Variants in APBB2 observed in about 807,000 individuals in gnomAD.
APBB2 encodes the protein Fe65-like 1.
Under a neutral mutation model 82.5 loss-of-function variants are expected in APBB2, and 38 were observed. The ratio of observed to expected loss-of-function variants is 0.46; its 90% CI spans 0.36 to 0.60. APBB2 has a LOEUF of 0.60. APBB2 is among the 20% of genes least tolerant of loss of function. The probability of loss-of-function intolerance (pLI) is 0.00; values close to 1 mark genes in which losing one functional copy is unlikely to be tolerated. For synonymous variants in APBB2, 341 were observed against 368.2 expected (o/e 0.93, Z 0.85); for missense variants, 772 against 972.3 (o/e 0.79, Z 2.74).
At chr4:41,153,857 AGTTTT>A (rs1006225244) in intron 1 of APBB2, among the ~76,000 whole-genome samples, 5 of 152,170 alleles carry the variant, frequency 3.3e-5, no homozygotes, top group African/African-American at 4.8e-5. Context: ...TTGGTTTTGT[AGTTTT>A]GTTTGAATTT....
intron 3 of APBB2, among the ~76,000 whole-genome samples, chr4:41,087,979 A>G (rs1008372163): frequency 2.6e-5 from 4 of 152,250 alleles, no homozygotes; most frequent in Non-Finnish European, 5.9e-5. Context: ...GTCGGTGTTA[A>G]GAATGGTAAC....
intron 12 of APBB2, among the ~76,000 whole-genome samples, chr4:40,877,150 C>T (rs1289060909): frequency 1.3e-5 from 2 of 152,164 alleles, no homozygotes; most frequent in Non-Finnish European, 2.9e-5. Context: ...ATGCAGAACA[C>T]GGGAGAATAA....
chr4:40,984,283 G>A (rs1799839838), intron 6 of APBB2, among the ~76,000 whole-genome samples: 1 of 152,166 alleles, frequency 6.6e-6, no homozygotes, highest in Non-Finnish European at 1.5e-5. Flanking sequence ...ACATTTGTGT[G>A]TCTTACAAAA....
chr4:41,177,214 T>C (rs1447486051), intron 1 of APBB2, among the ~76,000 whole-genome samples: 3 of 152,126 alleles, frequency 2.0e-5, no homozygotes, highest in Non-Finnish European at 2.9e-5. Flanking sequence ...AGAACTAAAA[T>C]GCACAGATGA....
chr4:40,959,243 G>T (rs2154389686), intron 6 of APBB2, among the ~76,000 whole-genome samples: 1 of 152,342 alleles, frequency 6.6e-6, no homozygotes, highest in African/African-American at 2.4e-5. Context: ...AGAGTGAGCA[G>T]CAGGAGAAGA....
At chr4:41,056,180 C>CA (rs946867247) in intron 4 of APBB2, among the ~76,000 whole-genome samples, 26 of 151,436 alleles carry the variant, frequency 1.7e-4, no homozygotes, top group African/African-American at 6.1e-4. Flanking sequence ...AACTCCATCT[C>CA]AAAAAAATAA....
intron 1 of APBB2, among the ~76,000 whole-genome samples, chr4:41,197,387 A>G: frequency 6.6e-6 from 1 of 152,206 alleles, no homozygotes; most frequent in Non-Finnish European, 1.5e-5. Flanking sequence ...AAGAATAATA[A>G]CACTAATAAA....
At chr4:41,005,025 T>C (rs1033631248) in intron 6 of APBB2, among the ~76,000 whole-genome samples, 8 of 152,130 alleles carry the variant, frequency 5.3e-5, no homozygotes, top group African/African-American at 1.4e-4. Flanking sequence ...CAATTCCCCA[T>C]GGATGTAGAG....
At chr4:40,947,772 A>T (rs1321543904) in intron 6 of APBB2, among the ~76,000 whole-genome samples, 3 of 152,206 alleles carry the variant, frequency 2.0e-5, no homozygotes, top group South Asian at 4.1e-4. Flanking sequence ...AAGCCTTGTG[A>T]GGGTAGGCAG....
chr4:40,985,666 T>C (rs1437431911), intron 6 of APBB2, among the ~76,000 whole-genome samples: 2 of 152,222 alleles, frequency 1.3e-5, no homozygotes, highest in African/African-American at 4.8e-5. Context: ...CAGTCATTAG[T>C]AAAGGCAGAT....
intron 10 of APBB2, among the ~76,000 whole-genome samples, chr4:40,908,435 G>A (rs562770994): frequency 3.5e-4 from 53 of 152,240 alleles, no homozygotes; most frequent in African/African-American, 1.2e-3. Context: ...CTGTCACCGC[G>A]CCTTGCTGCC....
At chr4:40,937,345 T>C (rs1578576374) in intron 7 of APBB2, among the ~76,000 whole-genome samples, 1 of 152,228 alleles carries the variant, frequency 6.6e-6, no homozygotes, top group East Asian at 1.9e-4. Context: ...AGAAAAGTCT[T>C]CAGTACCTAA....
intron 12 of APBB2, among the ~76,000 whole-genome samples, chr4:40,834,296 G>C (rs769857536): frequency 6.6e-6 from 1 of 152,108 alleles, no homozygotes; most frequent in Non-Finnish European, 1.5e-5. Flanking sequence ...AGAGATTTGT[G>C]CATTTCCCAT....
chr4:40,923,447 C>T (rs945002764), intron 10 of APBB2, among the ~76,000 whole-genome samples: 15 of 152,352 alleles, frequency 9.8e-5, no homozygotes, highest in South Asian at 2.1e-4. Context: ...CCCCAGGTCT[C>T]GACCAGCTGG....
intron 7 of APBB2, among the ~76,000 whole-genome samples, chr4:40,939,080 G>C (rs12640528): frequency 0.24 from 36,799 of 152,102 alleles, 4,614 homozygotes; most frequent in Admixed American, 0.29. Flanking sequence ...TCCCCACCAG[G>C]AAGAAGGCCC....
At chr4:41,093,439 G>A (rs182661120) in intron 3 of APBB2, among the ~76,000 whole-genome samples, 20 of 152,320 alleles carry the variant, frequency 1.3e-4, no homozygotes, top group Admixed American at 1.3e-3. Flanking sequence ...TGGCTTCCAA[G>A]TGGATAAGGA....
intron 5 of APBB2, among the ~76,000 whole-genome samples, chr4:41,019,113 G>A (rs994511092): frequency 6.6e-6 from 1 of 152,192 alleles, no homozygotes; most frequent in Non-Finnish European, 1.5e-5. Context: ...ATGCAGAGGT[G>A]GGCAGAGAGT....
intron 6 of APBB2, among the ~76,000 whole-genome samples, chr4:40,968,108 CT>C (rs1795099410): frequency 6.6e-6 from 1 of 152,226 alleles, no homozygotes; most frequent in African/African-American, 2.4e-5. Context: ...GTTCTAAGCA[CT>C]TACTGTGTAT....
rs1215370585 is a variant in APBB2 at position 40,860,088 on chromosome 4, A to G, written c.1530-29511T>C. ...TTATTATTCATCTCCTTCACTTTAC[A>G]GTGAGCTTTATAAACTTACAGAGTC... On this transcript the variant is annotated intron_variant, in intron 12 of 17. Coordinates refer to ENST00000508593, the MANE Select transcript of APBB2 (RefSeq NM_004307.2). Among the ~76,000 whole-genome samples the G allele has an allele frequency of 6.6e-5, 10 of 152,314 alleles. No individual in the cohort carries two copies. In the East Asian group the frequency reaches 1.7e-3, roughly 26 times the overall value.
Sources: gnomAD v4.1 joint callset for allele counts (sites outside exome capture counted in the v4.1 genomes callset) on GRCh38, gnomAD v4.1.1 for gene constraint, MANE v1.5 for transcripts, NCBI Gene and HGNC (gene_info 2026-07-23, HGNC 2026-07-21) for gene names.